The following CA10 variants were observed in gnomAD, a reference collection of about 807,000 sequenced individuals.
CA10 encodes carbonic anhydrase-related protein 10.
Under a neutral mutation model 44.2 loss-of-function variants are expected in CA10, and 14 were observed. The ratio of observed to expected loss-of-function variants is 0.32; its 90% CI spans 0.21 to 0.50. The LOEUF (loss-of-function observed/expected upper bound fraction) is 0.50. CA10 is among the 20% of genes least tolerant of loss of function. CA10 has a pLI of 0.99. For missense variants in CA10, 350 were observed against 409.7 expected (o/e 0.85, Z 1.26); for synonymous variants, 159 against 141.6 (o/e 1.12, Z -0.87).
chr17:52,085,121 T>G (rs965638401), intron 1 of CA10, among the ~76,000 whole-genome samples: 14 of 152,238 alleles, frequency 9.2e-5, no homozygotes, highest in African/African-American at 3.4e-4. Flanking sequence ...TAGCTGAAAC[T>G]AATCCTAGCT....
At chr17:52,157,525 A>C (rs967489448) in intron 1 of CA10, among the ~76,000 whole-genome samples, 2 of 126,062 alleles carry the variant, frequency 1.6e-5, no homozygotes, top group African/African-American at 6.6e-5. Flanking sequence ...CACAGATCCT[A>C]ACCACCCCCC....
At chr17:51,749,237 C>T (rs1032041402) in intron 3 of CA10, among the ~76,000 whole-genome samples, 4 of 152,254 alleles carry the variant, frequency 2.6e-5, no homozygotes, top group Non-Finnish European at 5.9e-5. Flanking sequence ...TAACTGCTGT[C>T]ATCTAGATAA....
intron 2 of CA10, among the ~76,000 whole-genome samples, chr17:51,934,768 T>C (rs967181322): frequency 6.6e-6 from 1 of 152,084 alleles, no homozygotes; most frequent in African/African-American, 2.4e-5. Context: ...AAGGTTTTAG[T>C]GCAGATAAAA....
Position 52,157,738 on chromosome 17 carries a change from C to T in CA10, c.49G>A (p.Val17Ile), listed in dbSNP as rs756317806. The T allele has an allele frequency of 6.2e-7, 1 of 1,613,978 alleles. No homozygotes were observed. Among genetic ancestry groups the T allele is most frequent in the Admixed American group, 1.7e-5 (1 of 60,018 alleles). Reference sequence around the variant, plus strand: ...GCGCGTCCCGTACCTGATATGCAGACGATGAAATTGGCTTGAAGAAGAAAA... The same window carrying T: ...GCGCGTCCCGTACCTGATATGCAGATGATGAAATTGGCTTGAAGAAGAAAA... ...VLFLLQANFI[V>I]CISAQQNSPK... Residue 17 changes from valine (V) to isoleucine (I), a missense_variant, in exon 1 of 9, where the codon GTC becomes ATC. By Grantham distance (29) the Val-to-Ile change is conservative (BLOSUM62 3). Coordinates refer to ENST00000451037, the MANE Select transcript of CA10 (RefSeq NM_020178.5).
At chr17:51,961,441 A>G (rs893699217) in intron 2 of CA10, among the ~76,000 whole-genome samples, 2 of 113,114 alleles carry the variant, frequency 1.8e-5, no homozygotes, top group African/African-American at 2.7e-5. Flanking sequence ...GCAAAGAAAA[A>G]GAGAAATGTC....
At chr17:51,973,218 C>T (rs1226488355) in intron 2 of CA10, among the ~76,000 whole-genome samples, 1 of 152,122 alleles carries the variant, frequency 6.6e-6, no homozygotes, top group Non-Finnish European at 1.5e-5. Context: ...AAAAACACAC[C>T]AAGTGAGATC....
At chr17:51,884,770 G>T (rs1216743223) in intron 3 of CA10, among the ~76,000 whole-genome samples, 1 of 152,162 alleles carries the variant, frequency 6.6e-6, no homozygotes, top group Non-Finnish European at 1.5e-5. Context: ...GGCATGGTTG[G>T]TTCTTTCTGG....
At chr17:51,753,209 A>G (rs1488754124) in intron 3 of CA10, among the ~76,000 whole-genome samples, 2 of 152,208 alleles carry the variant, frequency 1.3e-5, no homozygotes, top group Non-Finnish European at 2.9e-5. Context: ...AGCAGGTAAT[A>G]GGTGCTCCAC....
At chr17:51,690,566 C>A (rs1192987596) in intron 4 of CA10, among the ~76,000 whole-genome samples, 1 of 152,094 alleles carries the variant, frequency 6.6e-6, no homozygotes, top group Admixed American at 6.5e-5. Flanking sequence ...GATGGGTATT[C>A]CCATGCTGTT....
chr17:51,933,995 G>A (rs1982765531), intron 2 of CA10, among the ~76,000 whole-genome samples: 1 of 151,994 alleles, frequency 6.6e-6, no homozygotes, highest in African/African-American at 2.4e-5. Flanking sequence ...AACAGTTTCG[G>A]GGTTTTATAT....
intron 4 of CA10, among the ~76,000 whole-genome samples, chr17:51,696,684 A>G (rs144293631): frequency 5.9e-5 from 9 of 152,086 alleles, no homozygotes; most frequent in Admixed American, 2.0e-4. Flanking sequence ...TAGATTGTTA[A>G]TCTGAGATCT....
intron 3 of CA10, among the ~76,000 whole-genome samples, chr17:51,900,134 A>C (rs1208809296): frequency 2.6e-5 from 4 of 151,990 alleles, no homozygotes; most frequent in Admixed American, 2.0e-4. Context: ...TCAATATTCT[A>C]CACATTTGTG....
At chr17:51,702,616 C>A (rs1032391976) in intron 4 of CA10, among the ~76,000 whole-genome samples, 1 of 152,208 alleles carries the variant, frequency 6.6e-6, no homozygotes, top group African/African-American at 2.4e-5. Context: ...CCTGGGGAGA[C>A]CCACTGTGTG....
chr17:51,775,456 AG>A (rs1205567066), intron 3 of CA10, among the ~76,000 whole-genome samples: 2 of 152,106 alleles, frequency 1.3e-5, no homozygotes, highest in Non-Finnish European at 2.9e-5. Context: ...GCAGGGTACA[AG>A]GGGGGTGGGT....
At chr17:51,775,051 G>T (rs1905766772) in intron 3 of CA10, among the ~76,000 whole-genome samples, 3 of 151,998 alleles carry the variant, frequency 2.0e-5, no homozygotes, top group Admixed American at 2.0e-4. Flanking sequence ...TCATGACAAG[G>T]GACTGTTCCC....
intron 2 of CA10, among the ~76,000 whole-genome samples, chr17:52,004,718 C>T (rs1985540598): frequency 6.6e-6 from 1 of 151,720 alleles, no homozygotes; most frequent in Non-Finnish European, 1.5e-5. Flanking sequence ...TTAATATGTA[C>T]TTTTTCAATC....
At chr17:52,054,766 C>T (rs1256927240) in intron 2 of CA10, among the ~76,000 whole-genome samples, 1 of 151,798 alleles carries the variant, frequency 6.6e-6, no homozygotes, top group African/African-American at 2.4e-5. Flanking sequence ...GGGTGAATTT[C>T]CCCCGATAGA....
intron 3 of CA10, among the ~76,000 whole-genome samples, chr17:51,913,968 G>A (rs1211789208): frequency 2.6e-5 from 4 of 152,102 alleles, no homozygotes; most frequent in Non-Finnish European, 5.9e-5. Context: ...GAATGGCAGA[G>A]ATGTGTCAGC....
At chr17:51,925,633 T>A (rs1483678146) in intron 3 of CA10, among the ~76,000 whole-genome samples, 2 of 152,166 alleles carry the variant, frequency 1.3e-5, no homozygotes, top group Non-Finnish European at 2.9e-5. Context: ...GTTCATTGTA[T>A]ACCAATTTTC....
Sources: allele counts gnomAD v4.1 joint callset (sites outside exome capture counted in the v4.1 genomes callset), GRCh38; gene constraint gnomAD v4.1.1; transcripts MANE v1.5; gene names NCBI Gene and HGNC (gene_info 2026-07-23, HGNC 2026-07-21).